AMOTL1: variants seen among roughly 807,000 people sequenced by gnomAD.
AMOTL1 encodes angiomotin like 1, also known as angiomotin-like protein 1.
In AMOTL1, 45 loss-of-function variants were observed where a neutral mutation model predicts 102.9. The ratio of observed to expected loss-of-function variants is 0.44; its 90% CI spans 0.34 to 0.56. AMOTL1 has a LOEUF of 0.56. Among genes scored for constraint, AMOTL1 ranks in the 20% least tolerant of loss-of-function variants. The probability of loss-of-function intolerance (pLI) is 0.01; values close to 1 mark genes in which losing one functional copy is unlikely to be tolerated. For synonymous variants in AMOTL1, 481 were observed against 484.7 expected (o/e 0.99, Z 0.10); for missense variants, 1,114 against 1,225.6 (o/e 0.91, Z 1.36).
chr11:94,843,041 C>A (rs535476023), intron 6 of AMOTL1, among the ~76,000 whole-genome samples: 1 of 152,342 alleles, frequency 6.6e-6, no homozygotes, highest in African/African-American at 2.4e-5. Context: ...TGGCAGAACC[C>A]TGGTAATCTG....
Position 94,799,830 on chromosome 11 carries a change from G to A in AMOTL1, c.640G>A (p.Val214Met). ...GCAGCAGCAACAGCAGCAGGGGGCG[G>A]TGGGCCATGGTTACTACATGGCAGG... ...QQQQQQQQGA[V>M]GHGYYMAGGT... Residue 214 changes from valine (V) to methionine (M), a missense_variant, in exon 3 of 13, where the codon GTG (valine) becomes ATG (methionine). Physicochemically the swap from Val to Met is conservative, Grantham distance 21. Coordinates refer to ENST00000433060, the MANE Select transcript of AMOTL1 (RefSeq NM_130847.3). The surrounding 1 kb of genome is among the most constrained non-coding windows in gnomAD (Gnocchi z 4.5). 3 of 1,593,338 alleles carry A rather than the reference G, an allele frequency of 1.9e-6. No individual in the cohort carries two copies. The highest frequency in any genetic ancestry group is 2.2e-5 in the East Asian group (1 of 44,564).
intron 1 of AMOTL1, among the ~76,000 whole-genome samples, chr11:94,713,133 G>T (rs905197699): frequency 2.0e-5 from 3 of 151,330 alleles, no homozygotes; most frequent in Non-Finnish European, 4.4e-5. Context: ...CTTTGGATTG[G>T]TTTTTCAGCT....
At position 94,810,672 on chromosome 11, in the gene AMOTL1, G is replaced by T. The variant is rs532994731; in HGVS notation, c.1121+10361G>T. On this transcript the variant is annotated intron_variant, in intron 3 of 12. Transcript: ENST00000433060. ...TCTTTGTTTTCTTTAAGGAATCCTG[G>T]GCTATTAGAAACTATTTCAGGTCCC... 5.3e-5 allele frequency among the ~76,000 whole-genome samples: 8 copies of T among 151,970 alleles called. No individual in the cohort carries two copies. The South Asian group carries it at 1.7e-3, about 32-fold the overall frequency.
Position 94,809,254 on chromosome 11 carries a change from A to T in AMOTL1, c.1121+8943A>T, listed in dbSNP as rs1468413338. On this transcript the variant is annotated intron_variant, in intron 3 of 12. Transcript: ENST00000433060. ...CCAAAGTGTTGGGATTACAAGCATGAGCCACTGCGCCTGGCCCTAAGTCTT... is the reference window on the plus strand; with the variant it reads ...CCAAAGTGTTGGGATTACAAGCATGTGCCACTGCGCCTGGCCCTAAGTCTT... Among the ~76,000 whole-genome samples the T allele has an allele frequency of 2.0e-5, 3 of 152,174 alleles. No homozygotes were observed. In the East Asian group the frequency reaches 5.8e-4, roughly 29 times the overall value.
At chr11:94,853,312 C>G (rs1952586223) in intron 7 of AMOTL1, among the ~76,000 whole-genome samples, 1 of 152,192 alleles carries the variant, frequency 6.6e-6, no homozygotes. Flanking sequence ...CCCCCGGCCC[C>G]CAACTTGCCC....
At chr11:94,854,824 A>G (rs1952627231) in intron 8 of AMOTL1, among the ~76,000 whole-genome samples, 1 of 152,164 alleles carries the variant, frequency 6.6e-6, no homozygotes, top group African/African-American at 2.4e-5. Flanking sequence ...GTGAGTTTTC[A>G]GAAGTAAAGG....
chr11:94,786,939 AAAAT>A (rs1166300587), intron 1 of AMOTL1, among the ~76,000 whole-genome samples: 2 of 152,246 alleles, frequency 1.3e-5, no homozygotes, highest in African/African-American at 4.8e-5. Context: ...ATTCATTGGT[AAAAT>A]AAATATGTGT....
At chr11:94,855,450 C>G (rs539888601) in intron 8 of AMOTL1, among the ~76,000 whole-genome samples, 87 of 152,338 alleles carry the variant, frequency 5.7e-4, no homozygotes, top group African/African-American at 2.1e-3. Context: ...TTCTCTGTCA[C>G]TCAGTTGCTG....
chr11:94,790,894 G>T (rs1344942105), intron 1 of AMOTL1, among the ~76,000 whole-genome samples: 1 of 152,184 alleles, frequency 6.6e-6, no homozygotes, highest in Non-Finnish European at 1.5e-5. Flanking sequence ...CAGAGGAGTG[G>T]CTCACCACGG....
chr11:94,854,248 G>C (rs1360511994), intron 8 of AMOTL1, among the ~76,000 whole-genome samples, 166 bp downstream of exon 8: 1 of 152,222 alleles, frequency 6.6e-6, no homozygotes, highest in Non-Finnish European at 1.5e-5. Flanking sequence ...GAGAAGGCGA[G>C]CAGTCCGCTC....
At chr11:94,849,400 A>G (rs1952483925) in intron 6 of AMOTL1, among the ~76,000 whole-genome samples, 1 of 152,232 alleles carries the variant, frequency 6.6e-6, no homozygotes, top group Admixed American at 6.5e-5. Flanking sequence ...GCCTGCTTAA[A>G]CTACAACAGT....
intron 6 of AMOTL1, among the ~76,000 whole-genome samples, chr11:94,837,908 G>A (rs1307938233): frequency 2.0e-5 from 3 of 152,192 alleles, no homozygotes; most frequent in Non-Finnish European, 4.4e-5. Flanking sequence ...ATAGATGGAT[G>A]GAGTAAGCAC....
At position 94,870,681 on chromosome 11, in the gene AMOTL1, T is replaced by C. The variant is rs1473909799; in HGVS notation, c.2765-8T>C. 8.8e-6 allele frequency: 14 copies of C among 1,587,394 alleles called. No homozygotes were observed. In the African/African-American group the frequency reaches 1.9e-4, roughly 21 times the overall value. The stretch of plus-strand genomic sequence containing the variant: ...ATGGGCAGCTGATGTTTCCCCTCTA[T>C]TTGGCAGAGAACTCTCCTGGCCATG... On this transcript the variant is annotated splice_region_variant and splice_polypyrimidine_tract_variant and intron_variant, in intron 12 of 12. Transcript: ENST00000433060.
intron 3 of AMOTL1, among the ~76,000 whole-genome samples, chr11:94,745,763 T>C (rs1350869433): frequency 1.3e-5 from 2 of 152,198 alleles, no homozygotes. Flanking sequence ...TGTTTTATTA[T>C]TATTATTCAT....
intron 1 of AMOTL1, among the ~76,000 whole-genome samples, chr11:94,784,224 T>C (rs1393492075): frequency 1.3e-5 from 2 of 152,198 alleles, no homozygotes; most frequent in Admixed American, 6.5e-5. Flanking sequence ...TTGGTTCACA[T>C]TAACTCACTT....
chr11:94,729,145 C>T (rs6483359), intron 2 of AMOTL1: 112,056 of 927,368 alleles, frequency 0.12, 12,821 homozygotes, highest in African/African-American at 0.49. Flanking sequence ...TACGTGCCCA[C>T]GCTGTTTGTC....
intron 6 of AMOTL1, among the ~76,000 whole-genome samples, chr11:94,835,928 GA>G (rs1044995491): frequency 6.6e-5 from 10 of 152,176 alleles, no homozygotes; most frequent in African/African-American, 2.2e-4. Flanking sequence ...AAAATTAACA[GA>G]AAAAAATGTG....
rs191006680 is a variant in AMOTL1, at chr11:94,853,392, A to G, written c.1795-541A>G. Among the ~76,000 whole-genome samples the G allele has an allele frequency of 3.0e-3, 453 of 151,990 alleles. 2 individuals are homozygous for G. Among genetic ancestry groups the G allele is most frequent in the Non-Finnish European group, 5.0e-3 (337 of 68,008 alleles). On this transcript the variant is annotated intron_variant, in intron 7 of 12. Coordinates refer to ENST00000433060, the MANE Select transcript of AMOTL1 (RefSeq NM_130847.3). ...TCAGCTCCCACTTACGAGTGAGAACATGTGGTGTTTAGTTTTCTGTTCCTG... is the reference window on the plus strand; with the variant it reads ...TCAGCTCCCACTTACGAGTGAGAACGTGTGGTGTTTAGTTTTCTGTTCCTG...
At chr11:94,745,131 C>T (rs928694272) in intron 3 of AMOTL1, among the ~76,000 whole-genome samples, 53 of 151,846 alleles carry the variant, frequency 3.5e-4, no homozygotes, top group Admixed American at 2.6e-4. Context: ...CATAGGTATA[C>T]ATGTACCATG....
Sources: allele counts gnomAD v4.1 joint callset (sites outside exome capture counted in the v4.1 genomes callset), GRCh38; gene constraint gnomAD v4.1.1; non-coding constraint Gnocchi (gnomAD v3.1); transcripts MANE v1.5; gene names NCBI Gene and HGNC (gene_info 2026-07-23, HGNC 2026-07-21).